Variants in LHFPL3 observed in about 807,000 individuals in gnomAD.
LHFPL3 encodes the protein LHFPL tetraspan subfamily member 3 protein.
In LHFPL3, 5 loss-of-function variants were observed where a neutral mutation model predicts 19.3. That is an observed-to-expected ratio of 0.26 (90% CI 0.14 to 0.54). The LOEUF is 0.54. LHFPL3 is among the 20% of genes least tolerant of loss of function. LHFPL3 has a pLI of 0.94. For synonymous variants in LHFPL3, 133 were observed against 126.2 expected, an observed-to-expected ratio of 1.05 and a Z score of -0.36; for missense variants, 249 against 307.4, an observed-to-expected ratio of 0.81 and a Z score of 1.42.
intron 1 of LHFPL3, among the ~76,000 whole-genome samples, chr7:104,516,635 T>TA (rs1377531453): frequency 6.6e-6 from 1 of 151,734 alleles, no homozygotes; most frequent in African/African-American, 2.4e-5. Flanking sequence ...GATTAAAAAG[T>TA]AAAAAAATAA....
intron 1 of LHFPL3, among the ~76,000 whole-genome samples, chr7:104,596,722 G>C (rs16869972): frequency 6.6e-6 from 1 of 152,096 alleles, no homozygotes; most frequent in Non-Finnish European, 1.5e-5. Context: ...TTCAGATACC[G>C]TGTAATACAA....
At chr7:104,549,447 C>T (rs1794628634) in intron 1 of LHFPL3, among the ~76,000 whole-genome samples, 1 of 68,234 alleles carries the variant, frequency 1.5e-5, no homozygotes. Flanking sequence ...GCCCTTAACC[C>T]AACACACACA....
At chr7:104,685,538 C>T (rs1175396840) in intron 1 of LHFPL3, among the ~76,000 whole-genome samples, 1 of 152,068 alleles carries the variant, frequency 6.6e-6, no homozygotes, top group Non-Finnish European at 1.5e-5. Flanking sequence ...CTCCATAATG[C>T]ATTTTTCTTG....
Position 104,753,249 on chromosome 7 carries a change from A to T in LHFPL3, c.682+16338A>T, listed in dbSNP as rs187138048. On this transcript the variant is annotated intron_variant, in intron 2 of 2. Transcript: ENST00000424859. ...AACCTTGAATGCATAAACAGGCTCT[A>T]TTCCAAAAGTCCACTTCTAAATTGA... Among the ~76,000 whole-genome samples, 5 of 152,312 alleles carry T rather than the reference A, an allele frequency of 3.3e-5. No individual in the cohort carries two copies. In the East Asian group the frequency reaches 9.6e-4, roughly 29 times the overall value.
chr7:104,737,356 G>A (rs1793847742), intron 2 of LHFPL3, among the ~76,000 whole-genome samples: 1 of 152,116 alleles, frequency 6.6e-6, no homozygotes, highest in South Asian at 2.1e-4. Flanking sequence ...TAAACTATTT[G>A]TGATAATTGA....
At chr7:104,541,769 T>A (rs1448313631) in intron 1 of LHFPL3, among the ~76,000 whole-genome samples, 1 of 152,142 alleles carries the variant, frequency 6.6e-6, no homozygotes, top group East Asian at 1.9e-4. Flanking sequence ...TGATTTTTTC[T>A]CTACATTTGA....
intron 1 of LHFPL3, among the ~76,000 whole-genome samples, chr7:104,532,273 T>A (rs1794311803): frequency 6.7e-6 from 1 of 149,706 alleles, no homozygotes; most frequent in Admixed American, 6.7e-5. Context: ...TGTGCCACCA[T>A]GCTTGGCTAA....
At chr7:104,651,286 G>T (rs529581536) in intron 1 of LHFPL3, among the ~76,000 whole-genome samples, 5 of 152,296 alleles carry the variant, frequency 3.3e-5, no homozygotes, top group South Asian at 4.1e-4. Flanking sequence ...TTGAACAAAG[G>T]CTTGATTGTC....
chr7:104,343,512 CAAAAAAAAAAAAAAAAAAAAAAAA>C (rs536122769), intron 1 of LHFPL3, among the ~76,000 whole-genome samples: 5 of 47,474 alleles, frequency 1.1e-4, no homozygotes, highest in South Asian at 1.9e-3. Context: ...GACTCTGTCT[CAAAAAAAAAAAAAAAAAAAAAAAA>C]AAAAAAAAAA....
intron 1 of LHFPL3, among the ~76,000 whole-genome samples, chr7:104,595,119 A>G (rs992465287): frequency 6.6e-6 from 1 of 152,082 alleles, no homozygotes; most frequent in Non-Finnish European, 1.5e-5. Context: ...GAGAAGAGGC[A>G]CTCTGATTTT....
intron 1 of LHFPL3, among the ~76,000 whole-genome samples, chr7:104,460,212 A>T (rs1000198276): frequency 6.6e-6 from 1 of 152,192 alleles, no homozygotes; most frequent in African/African-American, 2.4e-5. Flanking sequence ...AGTATTCCAC[A>T]GTGAATATGT....
intron 1 of LHFPL3, chr7:104,669,298 G>A: frequency 6.2e-7 from 1 of 1,613,980 alleles, no homozygotes; most frequent in Non-Finnish European, 8.5e-7. Context: ...ACCATCTGAG[G>A]AAGGACCAGG....
At chr7:104,821,746 G>A (rs75834128) in intron 2 of LHFPL3, among the ~76,000 whole-genome samples, 21,626 of 152,112 alleles carry the variant, frequency 0.14, 1,798 homozygotes, top group East Asian at 0.35. Flanking sequence ...CACAGTCAAA[G>A]TTTCTAGACT....
intron 1 of LHFPL3, among the ~76,000 whole-genome samples, chr7:104,561,578 C>G (rs1790004655): frequency 6.6e-6 from 1 of 152,046 alleles, no homozygotes; most frequent in Non-Finnish European, 1.5e-5. Context: ...ATGTGTGTCT[C>G]TGCATGTGAG....
intron 2 of LHFPL3, among the ~76,000 whole-genome samples, chr7:104,820,014 T>C (rs1790647798): frequency 6.6e-6 from 1 of 152,214 alleles, no homozygotes; most frequent in Non-Finnish European, 1.5e-5. Flanking sequence ...TCTATTTCCT[T>C]GTGTGTTTCA....
intron 1 of LHFPL3, among the ~76,000 whole-genome samples, chr7:104,389,302 A>G (rs1399907187): frequency 6.6e-6 from 1 of 152,192 alleles, no homozygotes; most frequent in Non-Finnish European, 1.5e-5. Context: ...AAATATTCAG[A>G]AATACATTCA....
chr7:104,667,302 T>C (rs915046432), intron 1 of LHFPL3, among the ~76,000 whole-genome samples: 6 of 151,688 alleles, frequency 4.0e-5, no homozygotes, highest in Admixed American at 3.9e-4. Context: ...ATGCAACCTG[T>C]TAAATAAGAG....
intron 2 of LHFPL3, among the ~76,000 whole-genome samples, chr7:104,794,973 A>C (rs1790091748): frequency 1.3e-5 from 2 of 152,236 alleles, no homozygotes; most frequent in South Asian, 4.1e-4. Context: ...GAAAAATAAT[A>C]ATAATCCAAC....
rs1167085315 is a variant in LHFPL3, at chr7:104,503,332, A to G, written c.445+174108A>G. ...TGAATGTGTGTGTGTATGTGTCTGT[A>G]AAAAATGACAGGAAAAAATTAGCTG... is the stretch of plus-strand genomic sequence containing the variant. On this transcript the variant is annotated intron_variant, in intron 1 of 2. Coordinates refer to ENST00000424859, the MANE Select transcript of LHFPL3 (RefSeq NM_199000.3). 3.3e-5 allele frequency among the ~76,000 whole-genome samples: 5 copies of G among 152,110 alleles called. No individual in the cohort carries two copies. In the East Asian group the frequency reaches 9.6e-4, roughly 29 times the overall value.
Sources: allele counts gnomAD v4.1 joint callset (sites outside exome capture counted in the v4.1 genomes callset), GRCh38; gene constraint gnomAD v4.1.1; transcripts MANE v1.5; gene names NCBI Gene and HGNC (gene_info 2026-07-23, HGNC 2026-07-21).